Variants in DNM3 observed in about 807,000 individuals in gnomAD.
DNM3 encodes dynamin 3.
Under a neutral mutation model 101.6 loss-of-function variants are expected in DNM3, and 47 were observed. That is an observed-to-expected ratio of 0.46 (90% confidence interval 0.37 to 0.59). DNM3 has a LOEUF of 0.59. Ranked by LOEUF, DNM3 falls within the 20% of genes least tolerant of loss-of-function variation. The pLI is 0.00. For synonymous variants in DNM3, 385 were observed against 387.9 expected, an observed-to-expected ratio of 0.99 and a Z score of 0.09; for missense variants, 849 against 1,085.7, an observed-to-expected ratio of 0.78 and a Z score of 3.06.
Position 172,368,048 on chromosome 1 carries a change from T to C in DNM3, c.1894-10970T>C, listed in dbSNP as rs2068118827. Among the ~76,000 whole-genome samples the C allele has an allele frequency of 3.9e-5, 6 of 151,966 alleles. No homozygotes were observed. In the South Asian group the frequency reaches 1.0e-3, roughly 26 times the overall value. ...ATTTGCGTCCTACAATACCCCACTC[T>C]CAGCATTGCATAGATCACCTAGGCA... is the stretch of plus-strand genomic sequence containing the variant. On this transcript the variant is annotated intron_variant, in intron 17 of 20. Coordinates refer to ENST00000627582, the MANE Select transcript of DNM3 (RefSeq NM_015569.5).
At chr1:172,295,968 G>A (rs933187738) in intron 15 of DNM3, among the ~76,000 whole-genome samples, 3 of 152,146 alleles carry the variant, frequency 2.0e-5, no homozygotes, top group Non-Finnish European at 4.4e-5. Context: ...TTTTTGTAAT[G>A]AAATCAGAAC....
intron 10 of DNM3, among the ~76,000 whole-genome samples, chr1:172,061,346 G>A (rs141360486): frequency 0.013 from 1,906 of 144,232 alleles, 57 homozygotes; most frequent in African/African-American, 0.047. Context: ...TCCCATTACT[G>A]GGTATGTACC....
intron 17 of DNM3, among the ~76,000 whole-genome samples, chr1:172,375,843 T>TAAAA (rs10691234): frequency 7.1e-6 from 1 of 141,210 alleles, no homozygotes; most frequent in Non-Finnish European, 1.5e-5. Context: ...ACCCCATCTC[T>TAAAA]AAAAAAAAAA....
At chr1:172,378,074 A>G (rs920975239) in intron 17 of DNM3, 2 of 152,096 alleles carry the variant, frequency 1.3e-5, no homozygotes, top group African/African-American at 4.8e-5. Context: ...CCCATTTTAC[A>G]TTCATAATTA....
At chr1:171,977,099 C>T (rs916530620) in intron 2 of DNM3, among the ~76,000 whole-genome samples, 3 of 152,182 alleles carry the variant, frequency 2.0e-5, no homozygotes, top group African/African-American at 4.8e-5. Context: ...AGAATTAGTA[C>T]ATTCAATTAT....
chr1:172,045,655 T>A (rs146561024), intron 9 of DNM3, among the ~76,000 whole-genome samples: 133 of 152,348 alleles, frequency 8.7e-4, no homozygotes, highest in Non-Finnish European at 9.1e-4. Context: ...ACATATTTAT[T>A]CATTTCATGT....
At chr1:172,138,258 C>A (rs956730800) in intron 14 of DNM3, 1 of 151,388 alleles carries the variant, frequency 6.6e-6, no homozygotes, top group African/African-American at 2.4e-5. Flanking sequence ...GCAGAGTTAA[C>A]CCAGACTGGC....
At position 171,963,780 on chromosome 1, in the gene DNM3, A is replaced by ATATT. The variant is rs1464702588; in HGVS notation, c.236-23874_236-23873insTTTA. ...CTATATAGATAACGTATATATATAT[A>ATATT]TAAAATCACAGCCAAAAAAAAATCC... On this transcript the variant is annotated intron_variant, in intron 2 of 20. Transcript: ENST00000627582. Among the ~76,000 whole-genome samples, 4 of 150,510 alleles carry ATATT rather than the reference A, an allele frequency of 2.7e-5. No homozygotes were observed. In the East Asian group the frequency reaches 7.7e-4, roughly 29 times the overall value.
chr1:172,216,874 C>G (rs1467150088), intron 14 of DNM3, among the ~76,000 whole-genome samples: 1 of 152,004 alleles, frequency 6.6e-6, no homozygotes, highest in Non-Finnish European at 1.5e-5. Flanking sequence ...ATTTTCCCAC[C>G]TAGAGATTTT....
chr1:172,042,479 G>C (rs1040903327), intron 8 of DNM3, among the ~76,000 whole-genome samples: 1 of 152,130 alleles, frequency 6.6e-6, no homozygotes, highest in Non-Finnish European at 1.5e-5. Context: ...TGTCTAGTGG[G>C]GAAAGACAGA....
chr1:171,988,796 T>G (rs1255429189), intron 3 of DNM3, 149 bp from the exon 4 acceptor site: 8 of 614,466 alleles, frequency 1.3e-5, no homozygotes, highest in Non-Finnish European at 1.6e-5. Context: ...AGCAAAACCA[T>G]TTTTATTTTA....
At chr1:172,116,468 C>T (rs752328819) in intron 13 of DNM3, among the ~76,000 whole-genome samples, 14 of 152,158 alleles carry the variant, frequency 9.2e-5, no homozygotes, top group Non-Finnish European at 1.6e-4. Context: ...ACATTTGGTG[C>T]GAATCCAAAG....
intron 9 of DNM3, among the ~76,000 whole-genome samples, chr1:172,046,566 A>T (rs1023035030): frequency 7.4e-6 from 1 of 135,430 alleles, no homozygotes; most frequent in African/African-American, 3.0e-5. Flanking sequence ...AATAATAAAA[A>T]AAAGAAAGAA....
chr1:171,933,009 A>C (rs1051364561), intron 2 of DNM3, among the ~76,000 whole-genome samples: 104 of 151,816 alleles, frequency 6.9e-4, no homozygotes, highest in African/African-American at 2.5e-3. Flanking sequence ...TTTTCCTGTT[A>C]ATCAGTGAGG....
intron 4 of DNM3, among the ~76,000 whole-genome samples, chr1:171,998,721 G>A (rs979074715): frequency 1.3e-5 from 2 of 152,054 alleles, no homozygotes; most frequent in South Asian, 2.1e-4. Context: ...AACAGAATAC[G>A]GGAAGAGAGA....
chr1:172,227,271 G>GATATATATATATATATATATTTATAT (rs2061161901), intron 14 of DNM3, among the ~76,000 whole-genome samples: 1 of 77,996 alleles, frequency 1.3e-5, no homozygotes, highest in African/African-American at 4.7e-5. Flanking sequence ...AGTATTTTGT[G>GATATATATATATATATATATTTATAT]ATATATATAT....
intron 14 of DNM3, among the ~76,000 whole-genome samples, chr1:172,134,042 G>A (rs942200116): frequency 9.9e-5 from 15 of 152,202 alleles, no homozygotes; most frequent in Non-Finnish European, 2.1e-4. Context: ...AAGTGGTATG[G>A]GGTGGATGCG....
intron 13 of DNM3, among the ~76,000 whole-genome samples, chr1:172,105,331 A>C (rs2054934169): frequency 6.6e-6 from 1 of 152,214 alleles, no homozygotes; most frequent in South Asian, 2.1e-4. Flanking sequence ...CCTGTTTTAT[A>C]AATGATGGTA....
chr1:172,000,192 G>A (rs1264390342), intron 4 of DNM3, among the ~76,000 whole-genome samples: 1 of 152,032 alleles, frequency 6.6e-6, no homozygotes, highest in African/African-American at 2.4e-5. Context: ...AAATAGCAGA[G>A]GTGATGAAGA....
Sources: allele counts gnomAD v4.1 joint callset (sites outside exome capture counted in the v4.1 genomes callset), GRCh38; gene constraint gnomAD v4.1.1; transcripts MANE v1.5; gene names NCBI Gene and HGNC (gene_info 2026-07-23, HGNC 2026-07-21).